SH3RF2: variants seen among roughly 807,000 people sequenced by gnomAD.
The protein encoded by SH3RF2 is E3 ubiquitin-protein ligase SH3RF2.
SH3RF2 carries 43 observed loss-of-function variants against 59.0 expected under a neutral mutation model. The observed-to-expected ratio is 0.73, with a 90% CI of 0.57 to 0.94. The LOEUF (loss-of-function observed/expected upper bound fraction) is 0.94, where lower values mean the gene tolerates loss of function less well. SH3RF2 is among the 40% of genes least tolerant of loss of function. The pLI, the probability that SH3RF2 is intolerant of heterozygous loss-of-function variation, is 0.00. For missense variants in SH3RF2, 930 were observed against 940.1 expected (o/e 0.99, Z 0.14); for synonymous variants, 391 against 391.5 (o/e 1.00, Z 0.01).
intron 7 of SH3RF2, among the ~76,000 whole-genome samples, 171 bp downstream of exon 7, chr5:146,049,416 A>G (rs975173113): frequency 1.3e-5 from 2 of 152,224 alleles, no homozygotes; most frequent in Admixed American, 1.3e-4. Context: ...AAAACTAGTT[A>G]TCTTTTTCGT....
intron 5 of SH3RF2, among the ~76,000 whole-genome samples, chr5:146,041,799 T>C (rs1296757054): frequency 6.6e-6 from 1 of 152,044 alleles, no homozygotes; most frequent in East Asian, 1.9e-4. Flanking sequence ...AGCATGGTGA[T>C]GCACATCTGT....
At chr5:145,952,174 T>G (rs1758217194) in intron 2 of SH3RF2, among the ~76,000 whole-genome samples, 1 of 152,168 alleles carries the variant, frequency 6.6e-6, no homozygotes. Context: ...GGGTCCCTGG[T>G]CCAGGGTTCA....
chr5:146,071,259 C>T (rs1033376755), intron 9 of SH3RF2, among the ~76,000 whole-genome samples: 6 of 152,194 alleles, frequency 3.9e-5, no homozygotes, highest in Non-Finnish European at 7.3e-5. Context: ...CTGCAAGCCC[C>T]ACCACCACCT....
intron 2 of SH3RF2, chr5:145,997,443 G>A (rs1760212039): frequency 6.8e-7 from 1 of 1,463,216 alleles, no homozygotes; most frequent in Non-Finnish European, 9.6e-7. Context: ...CTGGTGCAAG[G>A]ATGTTTATGT....
chr5:145,991,177 C>CT (rs34507598), intron 2 of SH3RF2, among the ~76,000 whole-genome samples: 1 of 152,148 alleles, frequency 6.6e-6, no homozygotes, highest in South Asian at 2.1e-4. Flanking sequence ...AACACCCAGG[C>CT]TTTCAGGTCA....
intron 2 of SH3RF2, among the ~76,000 whole-genome samples, chr5:145,983,765 G>C (rs572750949): frequency 1.3e-5 from 2 of 152,292 alleles, no homozygotes; most frequent in East Asian, 3.9e-4. Context: ...TCAGTACAGA[G>C]GGCATGTTGG....
chr5:146,029,420 T>C (rs963290913), intron 5 of SH3RF2, among the ~76,000 whole-genome samples: 1 of 152,122 alleles, frequency 6.6e-6, no homozygotes, highest in Non-Finnish European at 1.5e-5. Context: ...AATAAAGGGA[T>C]CAATTATCCA....
chr5:146,030,786 A>C (rs1447341553), intron 5 of SH3RF2, among the ~76,000 whole-genome samples: 1 of 152,282 alleles, frequency 6.6e-6, no homozygotes, highest in African/African-American at 2.4e-5. Flanking sequence ...GAAAATCAAA[A>C]GAATAAAACT....
At position 146,037,267 on chromosome 5, in the gene SH3RF2, T is replaced by C. The variant is rs149756968; in HGVS notation, c.1060-10505T>C. Among the ~76,000 whole-genome samples, 217 of 152,294 alleles carry C rather than the reference T, an allele frequency of 1.4e-3. 1 individual carries two copies. Among genetic ancestry groups the C allele is most frequent in the African/African-American group, 4.9e-3 (204 of 41,548 alleles). On this transcript the variant is annotated intron_variant, in intron 5 of 9. Transcript: ENST00000359120. Reference sequence around the variant, plus strand: ...ATAAGGAAACAAGGCTCAGAGGGATTAAGTCTGAGCCTCCCACAGCCAATA... The same window carrying C: ...ATAAGGAAACAAGGCTCAGAGGGATCAAGTCTGAGCCTCCCACAGCCAATA...
At chr5:145,972,228 T>A (rs748946236) in intron 2 of SH3RF2, among the ~76,000 whole-genome samples, 1 of 151,544 alleles carries the variant, frequency 6.6e-6, no homozygotes, top group Non-Finnish European at 1.5e-5. Flanking sequence ...AAATCTTTGA[T>A]AAAAAATTGA....
chr5:145,978,503 A>C (rs926883661), intron 2 of SH3RF2, among the ~76,000 whole-genome samples: 1 of 152,196 alleles, frequency 6.6e-6, no homozygotes, highest in African/African-American at 2.4e-5. Flanking sequence ...GTTTTTGAAA[A>C]ATGAAATACT....
chr5:146,003,961 C>T, intron 3 of SH3RF2, 97 bp from the exon 4 acceptor site: 1 of 938,978 alleles, frequency 1.1e-6, no homozygotes, highest in Non-Finnish European at 1.6e-6. Flanking sequence ...ACATTCCTAA[C>T]ACTTTACACC....
At chr5:145,988,420 A>T (rs1039121679) in intron 2 of SH3RF2, among the ~76,000 whole-genome samples, 3 of 152,032 alleles carry the variant, frequency 2.0e-5, no homozygotes, top group African/African-American at 7.2e-5. Flanking sequence ...CTTTTGTCAG[A>T]ATATGCAGGG....
At chr5:145,999,634 A>C (rs1760311054) in intron 2 of SH3RF2, among the ~76,000 whole-genome samples, 1 of 152,058 alleles carries the variant, frequency 6.6e-6, no homozygotes, top group Admixed American at 6.5e-5. Context: ...AGGCCCAAGG[A>C]GAGGGAGAGA....
At position 146,046,435 on chromosome 5, in the gene SH3RF2, C is replaced by T. The variant is rs1762308135; in HGVS notation, c.1060-1337C>T. ...CCACAAAAGCATAGTCCTAAAAAGGCACACACAGAGTTACCATCATTTATC... is the reference window on the plus strand; with the variant it reads ...CCACAAAAGCATAGTCCTAAAAAGGTACACACAGAGTTACCATCATTTATC... On this transcript the variant is annotated intron_variant, in intron 5 of 9. Coordinates refer to ENST00000359120, the MANE Select transcript of SH3RF2 (RefSeq NM_152550.4). Among the ~76,000 whole-genome samples the T allele has an allele frequency of 2.0e-5, 3 of 152,278 alleles. No individual in the cohort carries two copies. The South Asian group carries it at 6.2e-4, about 32-fold the overall frequency.
At chr5:146,071,281 CCATAAGAGATGTCTTATGTCT>C (rs1306596088) in intron 9 of SH3RF2, among the ~76,000 whole-genome samples, 1 of 152,202 alleles carries the variant, frequency 6.6e-6, no homozygotes, top group Non-Finnish European at 1.5e-5. Flanking sequence ...CTCTCCAATT[CCATAAGAGATGTCTTATGTCT>C]CTGTCAAGGA....
Position 146,062,846 on chromosome 5 carries a change from G to A in SH3RF2, c.*145G>A, listed in dbSNP as rs979472065. On this transcript the variant is annotated 3_prime_UTR_variant, in exon 10 of 10. Transcript: ENST00000359120. ...TTTCACCTCCAGGAAAGCAAAAGTG[G>A]GAGCAGAAATTCCTGCCCTGGGTGG... The A allele has an allele frequency of 7.4e-5, 87 of 1,182,480 alleles. No individual in the cohort carries two copies. The highest frequency in any genetic ancestry group is 6.9e-4 in the South Asian group (43 of 61,912). The allele number at this position is 1,182,480 out of a possible 1,614,324, so 73.2% of individuals were successfully genotyped here. A position where few individuals can be genotyped will look rare whatever the true frequency, so the allele number is the denominator to read the frequency against.
In SH3RF2 at chr5:146,077,968, G is replaced by A. The variant is rs141492350; in HGVS notation, c.*34-492G>A. On this transcript the variant is annotated intron_variant, in intron 9 of 9. Transcript: ENST00000511217. ...GCTTGGCAGTAACGGATGATAACCG[G>A]TAGAATGAAATAGGAATCCCTGAGC... is the stretch of plus-strand genomic sequence containing the variant. 4.1e-3 allele frequency among the ~76,000 whole-genome samples: 630 copies of A among 152,190 alleles called. 5 individuals are homozygous for A. Among genetic ancestry groups the A allele is most frequent in the African/African-American group, 0.014 (589 of 41,516 alleles).
intron 2 of SH3RF2, among the ~76,000 whole-genome samples, chr5:145,994,368 A>T (rs1446454956): frequency 2.0e-5 from 3 of 152,196 alleles, no homozygotes; most frequent in African/African-American, 7.2e-5. Flanking sequence ...ATTTTCAGGT[A>T]TCTTTTCAGC....
Sources: gnomAD v4.1 joint callset for allele counts (sites outside exome capture counted in the v4.1 genomes callset) on GRCh38, gnomAD v4.1.1 for gene constraint, MANE v1.5 for transcripts, NCBI Gene and HGNC (gene_info 2026-07-23, HGNC 2026-07-21) for gene names.